GABRB1: variants seen among roughly 807,000 people sequenced by gnomAD.
GABRB1 encodes gamma-aminobutyric acid type A receptor subunit beta1.
In GABRB1, 17 loss-of-function variants were observed where a neutral mutation model predicts 51.6. That is an observed-to-expected ratio of 0.33 (90% CI 0.23 to 0.49). GABRB1 has a LOEUF of 0.49. Among genes scored for constraint, GABRB1 ranks in the 20% least tolerant of loss-of-function variants. GABRB1 has a pLI of 0.99. For synonymous variants in GABRB1, 247 were observed against 218.9 expected, an observed-to-expected ratio of 1.13 and a Z score of -1.14; for missense variants, 410 against 600.6, an observed-to-expected ratio of 0.68 and a Z score of 3.32.
chr4:47,011,365 C>T (rs1724577540), intron 1 of GABRB1, among the ~76,000 whole-genome samples: 1 of 152,054 alleles, frequency 6.6e-6, no homozygotes, highest in Non-Finnish European at 1.5e-5. Flanking sequence ...GTCTGGGCGG[C>T]AACTACAGAG....
chr4:47,307,679 C>G (rs931750067), intron 4 of GABRB1, among the ~76,000 whole-genome samples: 1 of 151,920 alleles, frequency 6.6e-6, no homozygotes, highest in South Asian at 2.1e-4. Context: ...CAAAGTTAAT[C>G]TATACTGCGA....
At chr4:47,109,914 A>C (rs982435307) in intron 3 of GABRB1, among the ~76,000 whole-genome samples, 7 of 152,140 alleles carry the variant, frequency 4.6e-5, no homozygotes, top group African/African-American at 1.7e-4. Flanking sequence ...GTGAGTTAAA[A>C]TGGAACAATC....
At chr4:47,178,549 G>A (rs973168497) in intron 4 of GABRB1, among the ~76,000 whole-genome samples, 2 of 152,000 alleles carry the variant, frequency 1.3e-5, no homozygotes, top group Non-Finnish European at 2.9e-5. Flanking sequence ...AACTGTTATT[G>A]CTCATTATTT....
At position 47,182,938 on chromosome 4, in the gene GABRB1, A is replaced by T. The variant is rs942476301; in HGVS notation, c.461+21469A>T. 1.1e-4 allele frequency among the ~76,000 whole-genome samples: 16 copies of T among 152,028 alleles called. 1 individual carries two copies. The highest frequency in any genetic ancestry group is 7.2e-4 in the Admixed American group (11 of 15,216). On this transcript the variant is annotated intron_variant, in intron 4 of 8. Coordinates refer to ENST00000295454, the MANE Select transcript of GABRB1 (RefSeq NM_000812.4). The stretch of plus-strand genomic sequence containing the variant: ...TTTAGCCACATTTGAAGATTCCCAT[A>T]TGCCAATTGTTTATTTATTCATTTA...
intron 4 of GABRB1, among the ~76,000 whole-genome samples, chr4:47,198,112 A>T (rs1357838427): frequency 1.3e-5 from 2 of 152,184 alleles, no homozygotes; most frequent in African/African-American, 4.8e-5. Flanking sequence ...ATAAACCGAT[A>T]TCTCTACTAA....
At chr4:47,247,716 T>C (rs1350739391) in intron 4 of GABRB1, among the ~76,000 whole-genome samples, 4 of 152,114 alleles carry the variant, frequency 2.6e-5, no homozygotes, top group African/African-American at 7.2e-5. Flanking sequence ...GTAGTTTTCC[T>C]TGTAGACGAC....
intron 4 of GABRB1, among the ~76,000 whole-genome samples, chr4:47,267,776 C>G (rs1052104699): frequency 6.6e-6 from 1 of 151,352 alleles, no homozygotes; most frequent in African/African-American, 2.4e-5. Context: ...GCCTGGGTGA[C>G]AAGAGTGAAA....
intron 5 of GABRB1, among the ~76,000 whole-genome samples, chr4:47,382,549 C>G (rs572025311): frequency 2.9e-4 from 44 of 152,316 alleles, no homozygotes; most frequent in African/African-American, 1.0e-3. Context: ...TCAGGTAGCA[C>G]AGATTATTGG....
chr4:47,377,775 AG>A (rs1396968215), intron 5 of GABRB1, among the ~76,000 whole-genome samples: 2 of 151,964 alleles, frequency 1.3e-5, no homozygotes, highest in Non-Finnish European at 2.9e-5. Context: ...GTCTACACAA[AG>A]GTTCTCCAAG....
At chr4:47,194,032 A>G (rs1719548878) in intron 4 of GABRB1, among the ~76,000 whole-genome samples, 2 of 152,302 alleles carry the variant, frequency 1.3e-5, no homozygotes, top group South Asian at 2.1e-4. Context: ...ATTAAACTAT[A>G]CCCTGCTTCT....
chr4:47,260,375 T>A (rs1368931049), intron 4 of GABRB1, among the ~76,000 whole-genome samples: 2 of 152,214 alleles, frequency 1.3e-5, no homozygotes, highest in African/African-American at 2.4e-5. Context: ...CATTATGATG[T>A]TAGCTGGTTA....
At chr4:47,334,855 C>T (rs1269982181) in intron 5 of GABRB1, among the ~76,000 whole-genome samples, 1 of 152,146 alleles carries the variant, frequency 6.6e-6, no homozygotes, top group East Asian at 1.9e-4. Context: ...GTGGGCGTTT[C>T]TCATGATGTG....
chr4:47,279,974 C>T (rs567905398), intron 4 of GABRB1, among the ~76,000 whole-genome samples: 1 of 151,592 alleles, frequency 6.6e-6, no homozygotes, highest in East Asian at 1.9e-4. Context: ...TTGGAGAATT[C>T]CATCTATTTA....
chr4:47,249,981 C>G (rs147962630), intron 4 of GABRB1, among the ~76,000 whole-genome samples: 1 of 152,052 alleles, frequency 6.6e-6, no homozygotes, highest in African/African-American at 2.4e-5. Flanking sequence ...TATTTCTTGC[C>G]TGTGTACTTT....
chr4:47,160,157 A>C (rs1466787192), intron 3 of GABRB1, among the ~76,000 whole-genome samples: 1 of 152,114 alleles, frequency 6.6e-6, no homozygotes, highest in African/African-American at 2.4e-5. Context: ...TCCTGTCTCT[A>C]ACTGCCAGGG....
intron 5 of GABRB1, among the ~76,000 whole-genome samples, chr4:47,399,618 T>C (rs533084937): frequency 1.3e-5 from 2 of 152,352 alleles, no homozygotes; most frequent in Admixed American, 1.3e-4. Context: ...TCTGTTTGAT[T>C]AGAGTCTTCT....
intron 3 of GABRB1, among the ~76,000 whole-genome samples, chr4:47,119,270 C>A (rs1431260799): frequency 6.6e-6 from 1 of 151,382 alleles, no homozygotes; most frequent in Non-Finnish European, 1.5e-5. Context: ...CATATTATAC[C>A]CCAAATAAAT....
At chr4:47,111,388 A>G (rs1274939065) in intron 3 of GABRB1, among the ~76,000 whole-genome samples, 2 of 151,848 alleles carry the variant, frequency 1.3e-5, no homozygotes, top group Non-Finnish European at 2.9e-5. Flanking sequence ...TGCAGAATAT[A>G]GATATATCTA....
intron 3 of GABRB1, among the ~76,000 whole-genome samples, chr4:47,138,633 G>C (rs774673275): frequency 1.3e-5 from 2 of 152,010 alleles, no homozygotes; most frequent in Non-Finnish European, 1.5e-5. Flanking sequence ...AAACTATAAA[G>C]ACATCATAAT....
Sources: gnomAD v4.1 joint callset for allele counts (sites outside exome capture counted in the v4.1 genomes callset) on GRCh38, gnomAD v4.1.1 for gene constraint, MANE v1.5 for transcripts, NCBI Gene and HGNC (gene_info 2026-07-23, HGNC 2026-07-21) for gene names.